FANCA: variants seen among roughly 807,000 people sequenced by gnomAD.
FANCA encodes the protein Fanconi anemia group A protein.
A neutral mutation model predicts 194.3 loss-of-function variants in FANCA; 236 were observed. That is an observed-to-expected ratio of 1.21 (90% CI 1.09 to 1.35). FANCA has a LOEUF of 1.35. Among genes scored for constraint, FANCA ranks in the 40% most tolerant of loss-of-function variants. The pLI is 0.00. For synonymous variants in FANCA, 1,014 were observed against 715.8 expected (o/e 1.42, Z -6.65); for missense variants, 2,628 against 1,813.9 (o/e 1.45, Z -8.15).
At chr16:89,783,721 C>T in intron 15 of FANCA, among the ~76,000 whole-genome samples, 1 of 152,080 alleles carries the variant, frequency 6.6e-6, no homozygotes, top group Admixed American at 6.6e-5. Flanking sequence ...GCCTGCAGCT[C>T]CATGCCTTTG....
chr16:89,760,901 C>T (rs1223887835), intron 29 of FANCA, among the ~76,000 whole-genome samples: 2 of 152,122 alleles, frequency 1.3e-5, no homozygotes, highest in South Asian at 2.1e-4. Context: ...AGGGCCTGGA[C>T]ACAGGTGTAC....
chr16:89,784,841 G>T lies in FANCA; in HGVS notation c.1470+13C>A. On this transcript the variant is annotated intron_variant, in intron 15 of 42. Transcript: ENST00000389301. Reference sequence around the variant, plus strand: ...AGCACCAGAAATCATGGATGTGGCAGCCAGCTTCTCACCTGCAGGTACCGG... The same window carrying T: ...AGCACCAGAAATCATGGATGTGGCATCCAGCTTCTCACCTGCAGGTACCGG... 6.3e-7 allele frequency: 1 copy of T among 1,594,904 alleles called. No individual in the cohort carries two copies. Among genetic ancestry groups the T allele is most frequent in the Non-Finnish European group, 8.6e-7 (1 of 1,162,452 alleles).
At chr16:89,790,950 C>T (rs1567635061) in intron 14 of FANCA, 2 of 213,276 alleles carry the variant, frequency 9.4e-6, no homozygotes, top group Admixed American at 5.3e-5. Context: ...GCGTCTCAGC[C>T]TCCCGAGTAA....
intron 35 of FANCA, 66 bp downstream of exon 35, chr16:89,746,518 C>T: frequency 1.6e-6 from 2 of 1,271,736 alleles, no homozygotes; most frequent in Non-Finnish European, 1.2e-6. Flanking sequence ...GCAGAGATGC[C>T]AGAGGCAGCT....
At chr16:89,755,691 A>G (rs74904896) in intron 30 of FANCA, among the ~76,000 whole-genome samples, 2,006 of 152,356 alleles carry the variant, frequency 0.013, 36 homozygotes, top group South Asian at 0.099. Context: ...AACTTTATCT[A>G]AAATATATAA....
chr16:89,766,154 G>A (rs1423194474), intron 27 of FANCA, among the ~76,000 whole-genome samples: 5 of 151,522 alleles, frequency 3.3e-5, no homozygotes, highest in South Asian at 4.2e-4. Flanking sequence ...GCGCCACCAC[G>A]CCTGGCTAAT....
chr16:89,805,374 A>G lies in FANCA; in HGVS notation c.615T>C (p.Ala205=). 6.2e-7 allele frequency: 1 copy of G among 1,613,682 alleles called. No individual in the cohort carries two copies. Among genetic ancestry groups the G allele is most frequent in the Non-Finnish European group, 8.5e-7 (1 of 1,179,688 alleles). Residue 205 remains alanine (A), a synonymous_variant, in exon 7 of 43, where the codon GCT becomes GCC. Coordinates refer to ENST00000389301, the MANE Select transcript of FANCA (RefSeq NM_000135.4). ...GATTCCTGAAGAGCCACGATCCCAC[A>G]GCATGCATGTCGGGATGGCTGGAGA... The part of the protein sequence containing the change: ...ELLESHPDMH[A]VGSWLFRNLC...
chr16:89,793,280 G>A (rs1031024343), intron 11 of FANCA, among the ~76,000 whole-genome samples: 6 of 152,142 alleles, frequency 3.9e-5, no homozygotes, highest in Non-Finnish European at 8.8e-5. Flanking sequence ...TGCCGTCACC[G>A]CTAGACCAAG....
rs1211579979 is a variant in FANCA at position 89,791,467 on chromosome 16, AG to A, written c.1294del (p.Leu432TrpfsTer94). ...CTCCAGTGCTGCCTGGCGCACAACCAGGAACGCAGTGACCATGCTGTCCAGC... is the reference window on the plus strand; with the variant it reads ...CTCCAGTGCTGCCTGGCGCACAACCAGAACGCAGTGACCATGCTGTCCAGC... ...CQLDSMVTAF[L>X]VVRQAALEGP... On this transcript the variant is annotated frameshift_variant, in exon 14 of 43. Coordinates refer to ENST00000389301, the MANE Select transcript of FANCA (RefSeq NM_000135.4). LOFTEE classifies it high-confidence loss of function. 2.5e-6 allele frequency: 4 copies of A among 1,614,088 alleles called. No homozygotes were observed. The African/African-American group carries it at 5.3e-5, about 22-fold the overall frequency.
chr16:89,788,220 T>C (rs769488389), intron 14 of FANCA, among the ~76,000 whole-genome samples: 57 of 151,490 alleles, frequency 3.8e-4, no homozygotes, highest in South Asian at 8.3e-4. Flanking sequence ...CCCAGCACTT[T>C]GGGAGGCTAA....
At position 89,749,746 on chromosome 16, in the gene FANCA, G is replaced by A. The variant is rs751987951; in HGVS notation, c.3223C>T (p.Leu1075=). The change falls in exon 32 of 43, where the codon CTG becomes TTG. Residue 1075 remains leucine (L), a synonymous_variant. Transcript: ENST00000389301. The part of the protein sequence containing the change: ...VAASLQRQRE[L]LMYKRILLRL... The stretch of plus-strand genomic sequence containing the variant: ...AGGTGTTACCGTTTGTACATTAGCA[G>A]CTCCCTCTGTCTCTGAAGGCTGGCA... 5.0e-6 allele frequency: 8 copies of A among 1,613,916 alleles called. No homozygotes were observed. In the East Asian group the frequency reaches 6.7e-5, roughly 13 times the overall value.
In FANCA at chr16:89,762,591, G is replaced by T. The variant is rs1193014272; in HGVS notation, c.2779-569C>A. On this transcript the variant is annotated intron_variant, in intron 28 of 42. Transcript: ENST00000389301. Reference sequence around the variant, plus strand: ...AAGGAAAAAAAAAAAAAAGAAAAAAGAAACTAACAAAACAACAACATTCTA... The same window carrying T: ...AAGGAAAAAAAAAAAAAAGAAAAAATAAACTAACAAAACAACAACATTCTA... 1.3e-4 allele frequency: 27 copies of T among 206,130 alleles called. 1 individual carries two copies. The highest frequency in any genetic ancestry group is 1.3e-3 in the South Asian group (23 of 17,734). 12.8% of individuals were successfully genotyped at this position (206,130 alleles called of 1,614,324 possible).
chr16:89,767,007 T>C (rs2039151644), intron 27 of FANCA, 134 bp downstream of exon 27: 2 of 770,184 alleles, frequency 2.6e-6, no homozygotes, highest in Non-Finnish European at 2.3e-6. Flanking sequence ...AGCTGCCCCA[T>C]GACAGCCAGC....
chr16:89,745,242 G>C (rs2038340898), intron 35 of FANCA, among the ~76,000 whole-genome samples, 171 bp from the exon 36 acceptor site: 1 of 152,240 alleles, frequency 6.6e-6, no homozygotes, highest in Non-Finnish European at 1.5e-5. Flanking sequence ...GCTCAAAGCA[G>C]TTCCATGAGG....
intron 28 of FANCA, chr16:89,762,824 C>T (rs888890228): frequency 2.8e-5 from 12 of 431,318 alleles, no homozygotes; most frequent in Non-Finnish European, 4.2e-5. Flanking sequence ...TTTAGGAGGC[C>T]GAGCACGGTG....
At chr16:89,784,208 A>G (rs1437319777) in intron 15 of FANCA, among the ~76,000 whole-genome samples, 2 of 152,046 alleles carry the variant, frequency 1.3e-5, no homozygotes, top group Non-Finnish European at 2.9e-5. Flanking sequence ...ACTAAAAAAA[A>G]GAAAAAAAGA....
At chr16:89,811,878 G>A (rs1029694998) in intron 3 of FANCA, among the ~76,000 whole-genome samples, 1 of 151,874 alleles carries the variant, frequency 6.6e-6, no homozygotes, top group African/African-American at 2.4e-5. Context: ...TTACAGGCAC[G>A]CGTCACTACG....
chr16:89,770,845 A>T (rs1176082891), intron 23 of FANCA, among the ~76,000 whole-genome samples: 1 of 152,170 alleles, frequency 6.6e-6, no homozygotes, highest in East Asian at 1.9e-4. Flanking sequence ...GTAATCGCCA[A>T]TCACAAAATT....
intron 14 of FANCA, among the ~76,000 whole-genome samples, chr16:89,788,942 C>T (rs1331626237): frequency 1.3e-5 from 2 of 152,050 alleles, no homozygotes; most frequent in East Asian, 3.9e-4. Flanking sequence ...ACACCACCAC[C>T]AACACAGCAC....
Sources: allele counts gnomAD v4.1 joint callset (sites outside exome capture counted in the v4.1 genomes callset), GRCh38; gene constraint gnomAD v4.1.1; transcripts MANE v1.5; gene names NCBI Gene and HGNC (gene_info 2026-07-23, HGNC 2026-07-21).